The following ACCSL variants were observed in gnomAD, a reference collection of about 807,000 sequenced individuals.
The protein encoded by ACCSL is 1-aminocyclopropane-1-carboxylate synthase homolog (inactive) like, also known as probable inactive 1-aminocyclopropane-1-carboxylate synthase-like protein 2.
Under a neutral mutation model 61.7 loss-of-function variants are expected in ACCSL, and 55 were observed. That is an observed-to-expected ratio of 0.89 (90% CI 0.72 to 1.12). The LOEUF (loss-of-function observed/expected upper bound fraction) is 1.12, where lower values mean the gene tolerates loss of function less well. Among genes scored for constraint, ACCSL ranks in the 50% most tolerant of loss-of-function variants. The pLI is 0.00. For synonymous variants in ACCSL, 258 were observed against 264.3 expected (o/e 0.98, Z 0.23); for missense variants, 632 against 698.0 (o/e 0.91, Z 1.07).
chr11:44,055,202 G>C lies in ACCSL; in HGVS notation c.1050G>C (p.Arg350Ser). 2 of 1,599,500 alleles carry C rather than the reference G, an allele frequency of 1.3e-6. No individual in the cohort carries two copies. The highest frequency in any genetic ancestry group is 1.7e-6 in the Non-Finnish European group (2 of 1,168,028). Residue 350 changes from arginine (R) to serine (S), a missense_variant and splice_region_variant, in exon 9 of 14, where the codon AGG becomes AGC. Arg to Ser is a moderately radical substitution (Grantham distance 110, BLOSUM62 -1). Transcript: ENST00000378832. ...TCTCCTTCTTTCATCTAATCTACAG[G>C]TATAACCTACATGTGATCATAGATG... ...SLMKYLEFAK[R>S]YNLHVIIDEI...
At chr11:44,031,037 G>T in the ACCSL span, among the ~76,000 whole-genome samples, 2 of 152,162 alleles carry the variant, frequency 1.3e-5, no homozygotes, top group African/African-American at 4.8e-5. Context: ...CCTGACTGTT[G>T]TTTCCCTCCA....
At chr11:43,942,492 C>T in the ACCSL span, 1 of 222,734 alleles carries the variant, frequency 4.5e-6, no homozygotes, top group South Asian at 4.2e-5. Context: ...GGGGAAGGGG[C>T]CGTTACTTTC....
chr11:44,052,009 G>A (rs1272644417), intron 5 of ACCSL, among the ~76,000 whole-genome samples: 1 of 152,198 alleles, frequency 6.6e-6, no homozygotes, highest in Non-Finnish European at 1.5e-5. Context: ...GGGCTCAGCT[G>A]CAATACAGAC....
At chr11:44,050,718 T>A (rs1002461762) in intron 3 of ACCSL, 96 bp downstream of exon 3, 2 of 1,130,034 alleles carry the variant, frequency 1.8e-6, no homozygotes, top group African/African-American at 1.5e-5. Context: ...GTTGGTTACC[T>A]CCCTATCTCT....
chr11:44,028,263 T>C, the ACCSL span, among the ~76,000 whole-genome samples: 7 of 152,016 alleles, frequency 4.6e-5, no homozygotes, highest in African/African-American at 9.7e-5. Context: ...GTAGTGGAAG[T>C]TGGCATGGCA....
intron 1 of ACCSL, 171 bp from the exon 2 acceptor site, chr11:44,049,891 C>A: frequency 1.3e-6 from 1 of 778,308 alleles, no homozygotes; most frequent in Non-Finnish European, 2.2e-6. Context: ...GGGAAATTTG[C>A]AAGCTGTACT....
At chr11:43,993,940 G>A in the ACCSL span, among the ~76,000 whole-genome samples, 1 of 152,150 alleles carries the variant, frequency 6.6e-6, no homozygotes, top group African/African-American at 2.4e-5. Flanking sequence ...CAAAACCTGT[G>A]CCCAGATGCA....
At chr11:43,943,761 A>G in the ACCSL span, 2 of 1,304,236 alleles carry the variant, frequency 1.5e-6, no homozygotes, top group South Asian at 2.5e-5. This position sits in a 1 kb window ranked among gnomAD's most constrained non-coding sequence, Gnocchi z 4.8. Flanking sequence ...CTGCGTCTGG[A>G]GGATTGATAT....
chr11:43,988,111 T>C, the ACCSL span, among the ~76,000 whole-genome samples: 2 of 152,082 alleles, frequency 1.3e-5, no homozygotes, highest in African/African-American at 4.8e-5. Context: ...GTGAACTTGA[T>C]CCTCTCACTG....
chr11:44,004,380 C>T, the ACCSL span, among the ~76,000 whole-genome samples: 1 of 151,968 alleles, frequency 6.6e-6, no homozygotes, highest in African/African-American at 2.4e-5. Flanking sequence ...ACCCAGGGAC[C>T]CCCAAGAGCA....
chr11:43,963,998 G>A, the ACCSL span, among the ~76,000 whole-genome samples: 2 of 151,778 alleles, frequency 1.3e-5, no homozygotes, highest in African/African-American at 2.4e-5. Context: ...CCAACCTCTT[G>A]AGTTTGCATT....
At chr11:43,937,054 T>C in the ACCSL span, among the ~76,000 whole-genome samples, 2 of 152,212 alleles carry the variant, frequency 1.3e-5, no homozygotes, top group South Asian at 4.1e-4. Context: ...TGGAGGGAGT[T>C]GACTTAGGGT....
chr11:43,982,810 G>A, the ACCSL span, among the ~76,000 whole-genome samples: 6 of 152,226 alleles, frequency 3.9e-5, no homozygotes, highest in African/African-American at 1.2e-4. Context: ...TAGGAGAATT[G>A]TGTGCAGAGC....
chr11:43,958,314 C>A, the ACCSL span, among the ~76,000 whole-genome samples: 1 of 152,192 alleles, frequency 6.6e-6, no homozygotes, highest in Non-Finnish European at 1.5e-5. Flanking sequence ...GATGGCCCCA[C>A]CTGGACCTGC....
At chr11:43,973,771 A>T in the ACCSL span, 1 of 152,218 alleles carries the variant, frequency 6.6e-6, no homozygotes, top group Non-Finnish European at 1.5e-5. Context: ...CGGCTTAAGG[A>T]TAATTCACTC....
At chr11:43,933,791 G>GCTCCCTCAGAGTCCCCAAGAGT in the ACCSL span, among the ~76,000 whole-genome samples, 2 of 151,608 alleles carry the variant, frequency 1.3e-5, no homozygotes, top group Non-Finnish European at 2.9e-5. Context: ...CTGGGCTGTG[G>GCTCCCTCAGAGTCCCCAAGAGT]CTCCCTCAGA....
the ACCSL span, among the ~76,000 whole-genome samples, chr11:44,025,017 A>C: frequency 6.6e-6 from 1 of 152,130 alleles, no homozygotes; most frequent in African/African-American, 2.4e-5. Flanking sequence ...GCTCTCTTTT[A>C]GGCACATTTG....
At chr11:43,928,487 C>T in the ACCSL span, among the ~76,000 whole-genome samples, 2 of 152,152 alleles carry the variant, frequency 1.3e-5, no homozygotes, top group Admixed American at 1.3e-4. Context: ...TGCCTTCACC[C>T]TATCAAGGCC....
chr11:44,051,004 G>C (rs1342249447), intron 3 of ACCSL, among the ~76,000 whole-genome samples: 1 of 152,016 alleles, frequency 6.6e-6, no homozygotes, highest in African/African-American at 2.4e-5. Context: ...ACCACGCCCA[G>C]CTAATTTTTT....
Sources: gnomAD v4.1 joint callset for allele counts (sites outside exome capture counted in the v4.1 genomes callset) on GRCh38, gnomAD v4.1.1 for gene constraint, Gnocchi (gnomAD v3.1) non-coding constraint, MANE v1.5 for transcripts, NCBI Gene and HGNC (gene_info 2026-07-23, HGNC 2026-07-21) for gene names.